Variants in ANKRD12 observed in about 807,000 individuals in gnomAD.
ANKRD12 encodes ankyrin repeat domain-containing protein 12.
In ANKRD12, 85 loss-of-function variants were observed where a neutral mutation model predicts 183.4. The observed-to-expected ratio is 0.46, with a 90% confidence interval of 0.39 to 0.56. The LOEUF is 0.56. Among genes scored for constraint, ANKRD12 ranks in the 20% least tolerant of loss-of-function variants. ANKRD12 has a pLI of 0.00. For missense variants in ANKRD12, 2,405 were observed against 2,357.1 expected (o/e 1.02, Z -0.42); for synonymous variants, 914 against 800.2 (o/e 1.14, Z -2.40).
In ANKRD12 at chr18:9,178,849, A is replaced by G. The variant is rs561257664; in HGVS notation, c.-51-3533A>G. Among the ~76,000 whole-genome samples the G allele has an allele frequency of 9.9e-5, 15 of 152,196 alleles. 1 individual carries two copies. The South Asian group carries it at 2.3e-3, about 23-fold the overall frequency. On this transcript the variant is annotated intron_variant, in intron 1 of 12. Transcript: ENST00000262126. ...TTTCCAAAGTGTTTTTGTATTTGTC[A>G]TTGTACAGTCTTATATACTTTTGTT...
intron 5 of ANKRD12, among the ~76,000 whole-genome samples, chr18:9,210,759 A>C (rs2035757312): frequency 6.8e-6 from 1 of 146,840 alleles, no homozygotes; most frequent in African/African-American, 2.5e-5. Flanking sequence ...TGAACCTTAC[A>C]CTTTTTTTTT....
Position 9,218,362 on chromosome 18 carries a change from A to G in ANKRD12, c.795+1462A>G, listed in dbSNP as rs116610554. Among the ~76,000 whole-genome samples, 195 of 152,230 alleles carry G rather than the reference A, an allele frequency of 1.3e-3. 1 individual carries two copies. The highest frequency in any genetic ancestry group is 4.4e-3 in the African/African-American group (181 of 41,524). ...CACCATTGAAGAGCTATTGAGAGCT[A>G]TTTTCTCCTTGTTCCTTTTACTTGT... On this transcript the variant is annotated intron_variant, in intron 7 of 12. Transcript: ENST00000262126.
At chr18:9,221,210 C>G (rs957390707) in intron 7 of ANKRD12, among the ~76,000 whole-genome samples, 2 of 152,084 alleles carry the variant, frequency 1.3e-5, no homozygotes, top group African/African-American at 4.8e-5. Context: ...ACTAACAGAG[C>G]AGAACCTGGT....
intron 6 of ANKRD12, among the ~76,000 whole-genome samples, chr18:9,216,449 G>A (rs1234183789): frequency 2.6e-5 from 4 of 152,176 alleles, no homozygotes; most frequent in Non-Finnish European, 4.4e-5. Context: ...TACTGGTAAG[G>A]CTTCCAGTTA....
chr18:9,242,675 A>G (rs2037732691), intron 8 of ANKRD12, among the ~76,000 whole-genome samples: 1 of 152,192 alleles, frequency 6.6e-6, no homozygotes, highest in African/African-American at 2.4e-5. Context: ...TGATTATAGA[A>G]TCAAATTCTG....
At chr18:9,251,558 C>G (rs2038298812) in intron 8 of ANKRD12, among the ~76,000 whole-genome samples, 1 of 152,100 alleles carries the variant, frequency 6.6e-6, no homozygotes, top group South Asian at 2.1e-4. Flanking sequence ...CTTTGGGAAG[C>G]CAAGGTGGGT....
At chr18:9,265,559 G>C (rs2039240375) in intron 10 of ANKRD12, among the ~76,000 whole-genome samples, 1 of 152,150 alleles carries the variant, frequency 6.6e-6, no homozygotes, top group South Asian at 2.1e-4. Flanking sequence ...CTGCAGGTGA[G>C]GATCCTGTCT....
At chr18:9,187,506 A>G (rs575207006) in intron 2 of ANKRD12, among the ~76,000 whole-genome samples, 86 of 152,362 alleles carry the variant, frequency 5.6e-4, no homozygotes, top group African/African-American at 1.6e-3. Context: ...TCCTAAATTA[A>G]TAAAATAACC....
At chr18:9,188,922 G>C (rs1364626748) in intron 2 of ANKRD12, among the ~76,000 whole-genome samples, 1 of 151,644 alleles carries the variant, frequency 6.6e-6, no homozygotes, top group African/African-American at 2.4e-5. Flanking sequence ...AAATTGTTGT[G>C]TTTCAGTGGT....
chr18:9,256,158 C>G lies in ANKRD12; in HGVS notation c.2891C>G (p.Ser964Cys), dbSNP rs1435690835. The G allele has an allele frequency of 6.4e-7, 1 of 1,556,158 alleles. No individual in the cohort carries two copies. The highest frequency in any genetic ancestry group is 1.4e-5 in the African/African-American group (1 of 71,310). Reference protein sequence around the residue: ...KDRELDKKEKSRDKESINITN... With the variant: ...KDRELDKKEKCRDKESINITN... ...AGGGAGCTAGATAAAAAGGAAAAAT[C>G]TAGAGATAAAGAAAGTATAAATATA... The change falls in exon 9 of 13, where the codon TCT becomes TGT. Residue 964 changes from serine to cysteine, a missense_variant. Physicochemically the swap from Ser to Cys is moderately radical, Grantham distance 112 (BLOSUM62 -1). This residue lies in a region of ANKRD12 where 1,983 missense variants were observed against 1,725.9 expected (regional missense o/e 1.15). Transcript: ENST00000262126.
At chr18:9,262,438 C>CTTTTG (rs761407988) in intron 9 of ANKRD12, among the ~76,000 whole-genome samples, 36 of 152,188 alleles carry the variant, frequency 2.4e-4, no homozygotes, top group Middle Eastern at 3.4e-3. Context: ...TCTTGGACAT[C>CTTTTG]TTTTGTTTTG....
intron 10 of ANKRD12, among the ~76,000 whole-genome samples, chr18:9,272,096 C>T (rs1801079447): frequency 6.6e-6 from 1 of 152,204 alleles, no homozygotes; most frequent in Non-Finnish European, 1.5e-5. Flanking sequence ...TACATTGGCA[C>T]ACCCATAACC....
intron 7 of ANKRD12, among the ~76,000 whole-genome samples, chr18:9,221,253 GAGA>G (rs777830356): frequency 5.9e-5 from 9 of 152,264 alleles, no homozygotes; most frequent in Admixed American, 3.3e-4. Flanking sequence ...TAATTCGTTA[GAGA>G]AGGAGAGAAG....
chr18:9,264,133 T>G (rs1468716253), intron 10 of ANKRD12, among the ~76,000 whole-genome samples: 2 of 152,344 alleles, frequency 1.3e-5, no homozygotes, highest in South Asian at 2.1e-4. Context: ...TCTTGTTATT[T>G]GTTGAATTTG....
Position 9,255,146 on chromosome 18 carries a change from G to A in ANKRD12, c.1879G>A (p.Glu627Lys). ...AAAATCAAATGCCAAAATAAAGGATGAAGATCATAGTCCAACATTTGAAAA... is the reference window on the plus strand; with the variant it reads ...AAAATCAAATGCCAAAATAAAGGATAAAGATCATAGTCCAACATTTGAAAA... ...GEKSNAKIKD[E>K]DHSPTFENSD... Residue 627 changes from glutamate (E) to lysine (K), a missense_variant, in exon 9 of 13, where the codon GAA becomes AAA. Glu to Lys is a moderately conservative substitution (Grantham distance 56). Transcript: ENST00000262126. 6.3e-7 allele frequency: 1 copy of A among 1,586,922 alleles called. No homozygotes were observed. Among genetic ancestry groups the A allele is most frequent in the Non-Finnish European group, 8.5e-7 (1 of 1,172,066 alleles).
At chr18:9,270,915 C>G (rs974389763) in intron 10 of ANKRD12, among the ~76,000 whole-genome samples, 27 of 152,142 alleles carry the variant, frequency 1.8e-4, no homozygotes, top group African/African-American at 6.3e-4. Context: ...CGAGAACAAA[C>G]AACTTTACCG....
intron 1 of ANKRD12, among the ~76,000 whole-genome samples, chr18:9,171,974 C>T (rs949514888): frequency 9.3e-5 from 14 of 150,308 alleles, no homozygotes; most frequent in East Asian, 3.9e-4. Context: ...GAGCTGGGAT[C>T]GCACCATTGT....
Position 9,254,671 on chromosome 18 carries a change from G to T in ANKRD12, c.1404G>T (p.Gln468His), listed in dbSNP as rs547024454. The change falls in exon 9 of 13, where the codon CAG (glutamine) becomes CAT (histidine). Residue 468 changes from glutamine (Q) to histidine (H), a missense_variant. By Grantham distance (24) the Gln-to-His change is conservative. Coordinates refer to ENST00000262126, the MANE Select transcript of ANKRD12 (RefSeq NM_015208.5). ...ATGTAGTTTCAGGTGAACACAAACA[G>T]AAAGGCAAAGTTAAAAGAAAATTGA... ...KEYVVSGEHK[Q>H]KGKVKRKLKN... 1 of 1,532,306 alleles carries T rather than the reference G, an allele frequency of 6.5e-7. No homozygotes were observed. The highest frequency in any genetic ancestry group is 2.2e-5 in the Admixed American group (1 of 45,694). The allele number at this position is 1,532,306 out of a possible 1,614,324, so 94.9% of individuals were successfully genotyped here.
rs1303301616 is a variant in ANKRD12, at chr18:9,258,356, A to G, written c.5089A>G (p.Asn1697Asp). The G allele has an allele frequency of 1.9e-6, 3 of 1,613,806 alleles. No homozygotes were observed. The highest frequency in any genetic ancestry group is 1.1e-5 in the South Asian group (1 of 91,070). Reference sequence around the variant, plus strand: ...ACAAAGCATTTTATCAAGTCTGGAAAACCATTCACAGCAGTCAACTCAACC... The same window carrying G: ...ACAAAGCATTTTATCAAGTCTGGAAGACCATTCACAGCAGTCAACTCAACC... The part of the protein sequence containing the change: ...SQQSILSSLE[N>D]HSQQSTQPEM... Residue 1697 changes from asparagine to aspartate, a missense_variant, in exon 9 of 13, where the codon AAC becomes GAC. Around this residue, in one of 7 missense-constraint regions of ANKRD12, gnomAD observed 1,983 missense variants for 1,725.9 expected, o/e 1.15. Coordinates refer to ENST00000262126, the MANE Select transcript of ANKRD12 (RefSeq NM_015208.5).
Sources: gnomAD v4.1 joint callset for allele counts (sites outside exome capture counted in the v4.1 genomes callset) on GRCh38, gnomAD v4.1.1 for gene constraint, gnomAD v4.1.1 regional missense constraint, MANE v1.5 for transcripts, NCBI Gene and HGNC (gene_info 2026-07-23, HGNC 2026-07-21) for gene names.